Variants in FHAD1 observed in about 807,000 individuals in gnomAD.
The protein encoded by FHAD1 is forkhead associated phosphopeptide binding domain 1, also known as forkhead-associated domain-containing protein 1.
In FHAD1, 146 loss-of-function variants were observed where a neutral mutation model predicts 191.3. That is an observed-to-expected ratio of 0.76 (90% confidence interval 0.67 to 0.88). The LOEUF (loss-of-function observed/expected upper bound fraction) is 0.88, where lower values mean the gene tolerates loss of function less well. FHAD1 is among the 40% of genes least tolerant of loss of function. The pLI is 0.00. For missense variants in FHAD1, 1,635 were observed against 1,785.8 expected (o/e 0.92, Z 1.52); for synonymous variants, 616 against 672.3 (o/e 0.92, Z 1.29).
At chr1:15,377,145 G>T (rs554471108) in intron 28 of FHAD1, among the ~76,000 whole-genome samples, 4 of 152,210 alleles carry the variant, frequency 2.6e-5, no homozygotes, top group African/African-American at 9.6e-5. Flanking sequence ...GAGGGCACGT[G>T]TGCTGCCGCA....
intron 10 of FHAD1, among the ~76,000 whole-genome samples, chr1:15,322,960 T>A (rs1676833571): frequency 6.6e-6 from 1 of 152,138 alleles, no homozygotes; most frequent in South Asian, 2.1e-4. Flanking sequence ...CGAAAGGCAC[T>A]TCTTACATGG....
Position 15,308,702 on chromosome 1 carries a change from C to T in FHAD1, c.1005C>T (p.Gly335=), listed in dbSNP as rs201939988. The T allele has an allele frequency of 1.3e-4, 207 of 1,551,732 alleles. 2 individuals are homozygous for T. In the East Asian group the frequency reaches 4.2e-3, roughly 32 times the overall value. Residue 335 remains glycine (G), a synonymous_variant, in exon 7 of 34, where the codon GGC becomes GGT. Coordinates refer to ENST00000688493, the MANE Select transcript of FHAD1 (RefSeq NM_001391957.1). ...AAATCACATCCCTGAAGAATGAGGG[C>T]GAGAACTTAAAGAGAGACAACGCTA... The part of the protein sequence containing the change: ...NSEITSLKNE[G]ENLKRDNAIT...
rs531874806 is a variant in FHAD1, at chr1:15,323,669, A to G, written c.1366-783A>G. ...AGCCCTGGCTCAGCAGATGCCCAAA[A>G]TGTTCATGGTTCAGACATGAACTGA... On this transcript the variant is annotated intron_variant, in intron 10 of 33. Coordinates refer to ENST00000688493, the MANE Select transcript of FHAD1 (RefSeq NM_001391957.1). Among the ~76,000 whole-genome samples, 5 of 152,232 alleles carry G rather than the reference A, an allele frequency of 3.3e-5. No individual in the cohort carries two copies. In the East Asian group the frequency reaches 9.7e-4, roughly 29 times the overall value.
At position 15,256,427 on chromosome 1, in the gene FHAD1, C is replaced by T. The variant is rs1331318684; in HGVS notation, c.93+4550C>T. Among the ~76,000 whole-genome samples the T allele has an allele frequency of 7.2e-5, 11 of 151,988 alleles. No homozygotes were observed. In the East Asian group the frequency reaches 1.6e-3, roughly 21 times the overall value. The stretch of plus-strand genomic sequence containing the variant: ...CAGTACTTTGGGAGGCCGAGGCGGG[C>T]GGATCACTTGAGGTCAGGAGTTCGA... On this transcript the variant is annotated intron_variant, in intron 2 of 33. Transcript: ENST00000688493.
chr1:15,351,142 C>T (rs1690710907), intron 19 of FHAD1, among the ~76,000 whole-genome samples: 1 of 152,152 alleles, frequency 6.6e-6, no homozygotes, highest in African/African-American at 2.4e-5. Context: ...GTTGGGAGTT[C>T]AAGACCAGCC....
At chr1:15,323,814 G>A (rs1054710931) in intron 10 of FHAD1, among the ~76,000 whole-genome samples, 2 of 152,188 alleles carry the variant, frequency 1.3e-5, no homozygotes, top group Non-Finnish European at 2.9e-5. Context: ...CACTTTAAAC[G>A]CCTTCTTTTG....
intron 3 of FHAD1, among the ~76,000 whole-genome samples, chr1:15,275,055 C>T (rs1018613644): frequency 3.9e-5 from 6 of 152,204 alleles, no homozygotes; most frequent in African/African-American, 1.4e-4. Flanking sequence ...CTCAGCCTCC[C>T]GGGTTCACGC....
In FHAD1 at chr1:15,325,295, A is replaced by T. The variant is rs1266729636; in HGVS notation, c.1473+736A>T. On this transcript the variant is annotated intron_variant, in intron 11 of 33. Coordinates refer to ENST00000688493, the MANE Select transcript of FHAD1 (RefSeq NM_001391957.1). This position sits in a 1 kb window ranked among gnomAD's most constrained non-coding sequence, Gnocchi z 4.6. The stretch of plus-strand genomic sequence containing the variant: ...CTCCTGGAAACCATGACTCCAGGGG[A>T]TCCACAGAATGGTTTGCACACACAC... 6.6e-6 allele frequency: 1 copy of T among 151,958 alleles called. No homozygotes were observed. The highest frequency in any genetic ancestry group is 2.4e-5 in the African/African-American group (1 of 41,296). The allele number at this position is 151,958 out of a possible 1,614,324, so 9.4% of individuals were successfully genotyped here. A position where few individuals can be genotyped will look rare whatever the true frequency, so the allele number is the denominator to read the frequency against.
intron 19 of FHAD1, among the ~76,000 whole-genome samples, chr1:15,349,581 A>G (rs1558189465): frequency 6.6e-6 from 1 of 152,226 alleles, no homozygotes; most frequent in Non-Finnish European, 1.5e-5. Flanking sequence ...GCCAAGGGAG[A>G]AAGCACTGCT....
chr1:15,257,148 G>T (rs77345043), intron 2 of FHAD1, among the ~76,000 whole-genome samples: 155 of 152,240 alleles, frequency 1.0e-3, no homozygotes, highest in African/African-American at 3.5e-3. Context: ...TTTCACGGAC[G>T]TGCGAGTCCA....
At chr1:15,400,522 A>G (rs1196829870), downstream of FHAD1, among the ~76,000 whole-genome samples, 4 of 152,106 alleles carry the variant, frequency 2.6e-5, no homozygotes, top group Non-Finnish European at 5.9e-5. Flanking sequence ...ACAAGGAGCA[A>G]TTTTGCCCCC....
intron 3 of FHAD1, among the ~76,000 whole-genome samples, chr1:15,285,091 T>C (rs1661964925): frequency 6.6e-6 from 1 of 152,240 alleles, no homozygotes; most frequent in African/African-American, 2.4e-5. Context: ...TTTTTATGTT[T>C]GTTTATCCTC....
chr1:15,277,764 A>G (rs1262995261), intron 3 of FHAD1, among the ~76,000 whole-genome samples: 1 of 152,166 alleles, frequency 6.6e-6, no homozygotes, highest in Non-Finnish European at 1.5e-5. Context: ...CGCCTCCACT[A>G]TCTTTTCACC....
At chr1:15,361,896 C>T (rs570124337) in intron 22 of FHAD1, among the ~76,000 whole-genome samples, 2 of 151,442 alleles carry the variant, frequency 1.3e-5, no homozygotes, top group East Asian at 1.9e-4. Context: ...TCCAGCTACT[C>T]GGGAGGCTGA....
At position 15,342,197 on chromosome 1, in the gene FHAD1, TGACA is replaced by T. The variant is rs909022662; in HGVS notation, c.2130+313_2130+316del. On this transcript the variant is annotated intron_variant, in intron 16 of 33. Transcript: ENST00000688493. ...ATCGCTGCAGGTCCTGGTTTGTAGC[TGACA>T]GACTGTTTCTAAATGTGCGCAAGAT... 2.2e-4 allele frequency among the ~76,000 whole-genome samples: 34 copies of T among 152,234 alleles called. 1 individual carries two copies. The highest frequency in any genetic ancestry group is 7.2e-4 in the Admixed American group (11 of 15,290).
intron 33 of FHAD1, among the ~76,000 whole-genome samples, chr1:15,392,575 TG>T (rs1351506100): frequency 3.3e-5 from 5 of 152,024 alleles, no homozygotes. Context: ...ATACATAGCT[TG>T]GGGTCTCCGT....
chr1:15,275,628 G>T (rs943405926), intron 3 of FHAD1, among the ~76,000 whole-genome samples: 2 of 152,208 alleles, frequency 1.3e-5, no homozygotes, highest in Non-Finnish European at 2.9e-5. Context: ...TTCTCTTTCT[G>T]ATGGCTTCCC....
chr1:15,272,210 G>A lies in FHAD1; in HGVS notation c.94-113G>A, dbSNP rs540411661. 111 of 929,284 alleles carry A rather than the reference G, an allele frequency of 1.2e-4. No individual in the cohort carries two copies. In the African/African-American group the frequency reaches 1.6e-3, roughly 13 times the overall value. 57.6% of individuals were successfully genotyped at this position (929,284 alleles called of 1,614,324 possible). On this transcript the variant is annotated intron_variant, in intron 2 of 33. Coordinates refer to ENST00000688493, the MANE Select transcript of FHAD1 (RefSeq NM_001391957.1). ...CTCAGCCTCCTCCTTTTAAAATGAG[G>A]ATTGTCGTGATGATCTGGCGGCGGC...
At position 15,324,554 on chromosome 1, in the gene FHAD1, G is replaced by A. The variant is rs557027670; in HGVS notation, c.1468G>A (p.Gly490Ser). The change falls in exon 11 of 34, where the codon GGT becomes AGT. Residue 490 changes from glycine (G) to serine (S), a missense_variant. Transcript: ENST00000688493. The stretch of plus-strand genomic sequence containing the variant: ...TAAAATCAATTTGGAGAGGGCAGTA[G>A]GTCAGGTAGGCATGTTCCAGAGCCC... ...VIKINLERAV[G>S]QLEHFRSQVI... 2.1e-5 allele frequency: 32 copies of A among 1,549,718 alleles called. No individual in the cohort carries two copies. The South Asian group carries it at 3.8e-4, about 18-fold the overall frequency.
Sources: gnomAD v4.1 joint callset for allele counts (sites outside exome capture counted in the v4.1 genomes callset) on GRCh38, gnomAD v4.1.1 for gene constraint, Gnocchi (gnomAD v3.1) non-coding constraint, MANE v1.5 for transcripts, NCBI Gene and HGNC (gene_info 2026-07-23, HGNC 2026-07-21) for gene names.